The following NDUFS6 variants were observed in gnomAD, a reference collection of about 807,000 sequenced individuals.
The protein encoded by NDUFS6 is NADH:ubiquinone oxidoreductase subunit S6, also known as NADH dehydrogenase [ubiquinone] iron-sulfur protein 6, mitochondrial.
In NDUFS6, 14 loss-of-function variants were observed where a neutral mutation model predicts 13.2. The observed-to-expected ratio is 1.06, with a 90% confidence interval of 0.70 to 1.66. The LOEUF (loss-of-function observed/expected upper bound fraction) is 1.66, where lower values mean the gene tolerates loss of function less well. NDUFS6 is among the 40% of genes most tolerant of loss of function. NDUFS6 has a pLI of 0.00. For missense variants in NDUFS6, 206 were observed against 170.8 expected (o/e 1.21, Z -1.15); for synonymous variants, 95 against 72.3 (o/e 1.31, Z -1.60).
intron 2 of NDUFS6, among the ~76,000 whole-genome samples, chr5:1,803,357 G>C (rs983913804): frequency 6.6e-6 from 1 of 152,198 alleles, no homozygotes; most frequent in Non-Finnish European, 1.5e-5. Flanking sequence ...TGAGTGTTGG[G>C]TTGAGAAAGA....
rs1390940776 is a variant in NDUFS6, at chr5:1,801,542, C to G, written c.125C>G (p.Thr42Ser). Residue 42 changes from threonine (T) to serine (S), a missense_variant, in exon 1 of 4, where the codon ACT becomes AGT. Transcript: ENST00000274137. ...VSPTGEKVTH[T>S]GQVYDDKDYR... is the part of the protein sequence containing the mutation. ...CCGACCGGGGAGAAGGTCACGCACA[C>G]TGGCCAGGTAACGGCCGCTGGGTAC... The G allele has an allele frequency of 4.4e-6, 7 of 1,588,050 alleles. No individual in the cohort carries two copies. Among genetic ancestry groups the G allele is most frequent in the Non-Finnish European group, 6.0e-6 (7 of 1,174,378 alleles).
intron 2 of NDUFS6, among the ~76,000 whole-genome samples, chr5:1,804,837 C>A (rs916670461): frequency 6.6e-6 from 1 of 152,202 alleles, no homozygotes; most frequent in Admixed American, 6.5e-5. Flanking sequence ...ATTACTAACT[C>A]AAGTCCACAG....
chr5:1,807,664 A>C (rs1734148353), intron 2 of NDUFS6, among the ~76,000 whole-genome samples: 1 of 152,198 alleles, frequency 6.6e-6, no homozygotes, highest in African/African-American at 2.4e-5. Flanking sequence ...AACTTGTGTT[A>C]TCACCCAGGA....
intron 2 of NDUFS6, among the ~76,000 whole-genome samples, chr5:1,808,681 A>G (rs1032948146): frequency 2.0e-5 from 3 of 152,250 alleles, no homozygotes; most frequent in African/African-American, 2.4e-5. Context: ...GGATTCCAAC[A>G]TTCTCAAAGC....
intron 2 of NDUFS6, among the ~76,000 whole-genome samples, chr5:1,806,831 C>T (rs892791548): frequency 6.6e-6 from 1 of 152,158 alleles, no homozygotes; most frequent in East Asian, 1.9e-4. Context: ...GAACTGAAAG[C>T]GGGGTCCGGG....
intron 2 of NDUFS6, among the ~76,000 whole-genome samples, chr5:1,808,610 C>A (rs1162136207): frequency 6.6e-6 from 1 of 152,206 alleles, no homozygotes; most frequent in African/African-American, 2.4e-5. Flanking sequence ...CTTTGCTTCT[C>A]TATTGTGTCT....
chr5:1,806,673 G>A (rs1734127869), intron 2 of NDUFS6, among the ~76,000 whole-genome samples: 1 of 152,162 alleles, frequency 6.6e-6, no homozygotes, highest in Non-Finnish European at 1.5e-5. Flanking sequence ...CGTGGGTGAC[G>A]GCGTGGAGCA....
In NDUFS6 at chr5:1,802,420, T is replaced by C. The variant is rs766338754; in HGVS notation, c.186+46T>C. The C allele has an allele frequency of 8.8e-6, 13 of 1,475,352 alleles. No homozygotes were observed. The African/African-American group carries it at 1.1e-4, about 13-fold the overall frequency. 91.4% of individuals were successfully genotyped at this position (1,475,352 alleles called of 1,614,324 possible). On this transcript the variant is annotated intron_variant, in intron 2 of 3. Transcript: ENST00000274137. ...AGAGAGGTAAGCTTTCCTAAAACTT[T>C]TATGTAACCAACAAGAAATAAAAAT...
intron 1 of NDUFS6, 152 bp from the exon 2 acceptor site, chr5:1,802,169 C>T: frequency 1.5e-6 from 1 of 677,950 alleles, no homozygotes; most frequent in South Asian, 1.8e-5. Context: ...AAAAATGCCC[C>T]TGATTACACC....
At chr5:1,813,461 A>T (rs1734251584) in intron 2 of NDUFS6, among the ~76,000 whole-genome samples, 1 of 152,124 alleles carries the variant, frequency 6.6e-6, no homozygotes, top group South Asian at 2.1e-4. Flanking sequence ...TCTCCTTTGG[A>T]TTTCATGTAA....
rs1205478861 is a variant in NDUFS6, at chr5:1,814,874, G to A, written c.309+413G>A. 5.3e-5 allele frequency among the ~76,000 whole-genome samples: 8 copies of A among 152,168 alleles called. No individual in the cohort carries two copies. The highest frequency in any genetic ancestry group is 1.2e-4 in the Non-Finnish European group (8 of 68,026). ...CTCTGTGGGTTCCTCCTGGGGCCTC[G>A]CTCCGGGGCTTGCAGATGAGGTCTC... On this transcript the variant is annotated intron_variant, in intron 3 of 3. Coordinates refer to ENST00000274137, the MANE Select transcript of NDUFS6 (RefSeq NM_004553.6). This position sits in a 1 kb window ranked among gnomAD's most constrained non-coding sequence, Gnocchi z 4.9.
chr5:1,801,505 G>C lies in NDUFS6; in HGVS notation c.88G>C (p.Val30Leu). Residue 30 changes from valine to leucine, a missense_variant, in exon 1 of 4, where the codon GTG becomes CTG. Val to Leu is a conservative substitution (Grantham distance 32). Coordinates refer to ENST00000274137, the MANE Select transcript of NDUFS6 (RefSeq NM_004553.6). ...GCCCCTGGGCGCCAGGTGTTTCGGGGTGCGGGTCTCGCCGACCGGGGAGAA... is the reference window on the plus strand; with the variant it reads ...GCCCCTGGGCGCCAGGTGTTTCGGGCTGCGGGTCTCGCCGACCGGGGAGAA... ...SLPLGARCFGVRVSPTGEKVT... is the reference protein window; with the variant it reads ...SLPLGARCFGLRVSPTGEKVT... 6.2e-7 allele frequency: 1 copy of C among 1,601,022 alleles called. No individual in the cohort carries two copies. Among genetic ancestry groups the C allele is most frequent in the South Asian group, 1.1e-5 (1 of 90,636 alleles).
chr5:1,810,772 G>A (rs1158754733), intron 2 of NDUFS6, among the ~76,000 whole-genome samples: 3 of 151,800 alleles, frequency 2.0e-5, no homozygotes, highest in Non-Finnish European at 4.4e-5. Context: ...AATCGTTGTC[G>A]GAGTGGCCAG....
chr5:1,811,990 T>G (rs529766808), intron 2 of NDUFS6, among the ~76,000 whole-genome samples: 21 of 152,240 alleles, frequency 1.4e-4, no homozygotes, highest in Admixed American at 7.2e-4. Flanking sequence ...AAATACTTGA[T>G]TCTTTCCCTA....
At chr5:1,805,061 A>C (rs1472382041) in intron 2 of NDUFS6, among the ~76,000 whole-genome samples, 1 of 152,216 alleles carries the variant, frequency 6.6e-6, no homozygotes, top group Non-Finnish European at 1.5e-5. Flanking sequence ...CAGGCACAGT[A>C]GGCTTATGCC....
intron 2 of NDUFS6, among the ~76,000 whole-genome samples, chr5:1,807,451 TAAAA>T (rs968865451): frequency 1.3e-5 from 2 of 151,746 alleles, no homozygotes; most frequent in Non-Finnish European, 2.9e-5. Context: ...TTACCACAAT[TAAAA>T]AAAAATTAAG....
chr5:1,811,282 C>T (rs1243515389), intron 2 of NDUFS6, among the ~76,000 whole-genome samples: 1 of 151,956 alleles, frequency 6.6e-6, no homozygotes, highest in Non-Finnish European at 1.5e-5. Context: ...GGGGGTGGTT[C>T]CCCCAACCCC....
Position 1,815,031 on chromosome 5 carries a change from C to T in NDUFS6, c.309+570C>T, listed in dbSNP as rs1023940585. Among the ~76,000 whole-genome samples the T allele has an allele frequency of 5.3e-5, 8 of 152,352 alleles. No homozygotes were observed. In the South Asian group the frequency reaches 1.0e-3, roughly 20 times the overall value. On this transcript the variant is annotated intron_variant, in intron 3 of 3. Coordinates refer to ENST00000274137, the MANE Select transcript of NDUFS6 (RefSeq NM_004553.6). The stretch of plus-strand genomic sequence containing the variant: ...ACCTTCATCACCTCTTTAAAGGCCC[C>T]ATCTCCAAATACAGTCACATCGGGG...
chr5:1,810,998 C>T (rs1168509792), intron 2 of NDUFS6, among the ~76,000 whole-genome samples: 1 of 152,196 alleles, frequency 6.6e-6, no homozygotes, highest in Non-Finnish European at 1.5e-5. Context: ...TCCTCCTCAG[C>T]CTGCTCTACG....
Sources: gnomAD v4.1 joint callset for allele counts (sites outside exome capture counted in the v4.1 genomes callset) on GRCh38, gnomAD v4.1.1 for gene constraint, Gnocchi (gnomAD v3.1) non-coding constraint, MANE v1.5 for transcripts, NCBI Gene and HGNC (gene_info 2026-07-23, HGNC 2026-07-21) for gene names.